Variants in TSPAN18 observed in about 807,000 individuals in gnomAD.
The protein encoded by TSPAN18 is tetraspanin 18.
Under a neutral mutation model 27.3 loss-of-function variants are expected in TSPAN18, and 14 were observed. The ratio of observed to expected loss-of-function variants is 0.51; its 90% CI spans 0.34 to 0.80. The LOEUF (loss-of-function observed/expected upper bound fraction) is 0.80. Among genes scored for constraint, TSPAN18 ranks in the 30% least tolerant of loss-of-function variants. The pLI is 0.01. For synonymous variants in TSPAN18, 143 were observed against 136.5 expected (o/e 1.05, Z -0.33); for missense variants, 268 against 323.9 (o/e 0.83, Z 1.32).
intron 1 of TSPAN18, among the ~76,000 whole-genome samples, chr11:44,728,160 G>T (rs942990483): frequency 1.1e-4 from 17 of 152,212 alleles, no homozygotes; most frequent in African/African-American, 4.1e-4. Flanking sequence ...CTAGCCAGAC[G>T]GGGGAGCGGG....
intron 3 of TSPAN18, chr11:44,903,527 T>C: frequency 2.2e-6 from 1 of 456,374 alleles, no homozygotes; most frequent in South Asian, 1.5e-5. Flanking sequence ...TCTGGAAAGC[T>C]CCTTCTGGCA....
chr11:44,811,356 G>A lies in TSPAN18; in HGVS notation c.-153+46844G>A, dbSNP rs189424029. Reference sequence around the variant, plus strand: ...ATCTGGATGTGATAAGAGAGAGGGAGGGAAAGGCACACTCTACAATTAGCC... The same window carrying A: ...ATCTGGATGTGATAAGAGAGAGGGAAGGAAAGGCACACTCTACAATTAGCC... On this transcript the variant is annotated intron_variant, in intron 2 of 9. Coordinates refer to ENST00000520358, the MANE Select transcript of TSPAN18 (RefSeq NM_130783.5). 4.5e-3 allele frequency among the ~76,000 whole-genome samples: 680 copies of A among 152,264 alleles called. 8 individuals carry two copies. Among genetic ancestry groups the A allele is most frequent in the African/African-American group, 0.015 (623 of 41,548 alleles).
chr11:44,920,320 G>T (rs1227545749), intron 8 of TSPAN18, among the ~76,000 whole-genome samples: 1 of 152,182 alleles, frequency 6.6e-6, no homozygotes, highest in Admixed American at 6.5e-5. Context: ...TCCAAAGGGA[G>T]GGAGGGGGAC....
At chr11:44,733,895 T>C (rs558022192) in intron 1 of TSPAN18, among the ~76,000 whole-genome samples, 206 of 152,068 alleles carry the variant, frequency 1.4e-3, no homozygotes, top group African/African-American at 4.6e-3. Context: ...CCTGCTATAG[T>C]TTGGTTTGTT....
intron 1 of TSPAN18, among the ~76,000 whole-genome samples, chr11:44,738,662 A>G (rs1854857157): frequency 6.6e-6 from 1 of 152,134 alleles, no homozygotes; most frequent in African/African-American, 2.4e-5. Context: ...GGTGTCTCCC[A>G]TGTGTCCAGA....
chr11:44,924,231 AT>A (rs1216037510), intron 8 of TSPAN18, among the ~76,000 whole-genome samples: 3 of 151,914 alleles, frequency 2.0e-5, no homozygotes, highest in Admixed American at 2.0e-4. Context: ...ATCCTTGGTA[AT>A]CCTAACAGGC....
At chr11:44,879,175 C>T (rs766738291) in intron 3 of TSPAN18, among the ~76,000 whole-genome samples, 1 of 152,180 alleles carries the variant, frequency 6.6e-6, no homozygotes, top group Non-Finnish European at 1.5e-5. Context: ...TGGTGCTGCA[C>T]GTTTCAGCAG....
At chr11:44,919,658 C>T (rs1255056504) in intron 7 of TSPAN18, 159 bp from the exon 8 acceptor site, 10 of 735,706 alleles carry the variant, frequency 1.4e-5, no homozygotes, top group Non-Finnish European at 2.1e-5. Context: ...CCCAGAGAAG[C>T]TGAGTGGCTT....
At chr11:44,763,341 G>A (rs1361197891) in intron 1 of TSPAN18, among the ~76,000 whole-genome samples, 1 of 152,064 alleles carries the variant, frequency 6.6e-6, no homozygotes, top group East Asian at 1.9e-4. Flanking sequence ...GCCTGTCTCT[G>A]CTGGCAGGTA....
chr11:44,919,113 C>G (rs1270515892), intron 6 of TSPAN18, 101 bp from the exon 7 acceptor site: 1 of 962,002 alleles, frequency 1.0e-6, no homozygotes, highest in Non-Finnish European at 1.7e-6. Flanking sequence ...GCCCCTAGCT[C>G]TCATTCCCCC....
chr11:44,922,969 C>T (rs559125640), intron 8 of TSPAN18, among the ~76,000 whole-genome samples: 34 of 152,216 alleles, frequency 2.2e-4, no homozygotes, highest in African/African-American at 6.7e-4. Context: ...ATTAGCCTGG[C>T]GTGGTGGCAT....
intron 2 of TSPAN18, among the ~76,000 whole-genome samples, chr11:44,809,882 A>C (rs1207567159): frequency 1.3e-5 from 2 of 152,190 alleles, no homozygotes; most frequent in Non-Finnish European, 2.9e-5. Flanking sequence ...AATGCATCTT[A>C]TATTGTCAAA....
rs1161627741 is a variant in TSPAN18, at chr11:44,829,085, T to C, written c.-152-31243T>C. On this transcript the variant is annotated intron_variant, in intron 2 of 9. Coordinates refer to ENST00000520358, the MANE Select transcript of TSPAN18 (RefSeq NM_130783.5). Reference sequence around the variant, plus strand: ...ACAAACAATTCGAAAAGTACAAAGTTCCCAGAGAGACTCCCCTTACCCAGG... The same window carrying C: ...ACAAACAATTCGAAAAGTACAAAGTCCCCAGAGAGACTCCCCTTACCCAGG... 2.0e-5 allele frequency among the ~76,000 whole-genome samples: 3 copies of C among 152,210 alleles called. No individual in the cohort carries two copies. In the East Asian group the frequency reaches 5.8e-4, roughly 29 times the overall value.
At chr11:44,888,838 A>G (rs1342581451) in intron 3 of TSPAN18, among the ~76,000 whole-genome samples, 1 of 152,190 alleles carries the variant, frequency 6.6e-6, no homozygotes, top group Non-Finnish European at 1.5e-5. Flanking sequence ...CCAGAAAACC[A>G]CGAGGATGGT....
At chr11:44,820,715 G>C (rs532586896) in intron 2 of TSPAN18, among the ~76,000 whole-genome samples, 1 of 152,144 alleles carries the variant, frequency 6.6e-6, no homozygotes, top group South Asian at 2.1e-4. Flanking sequence ...GAGGTGTGGT[G>C]GAGTGGAAGG....
chr11:44,772,131 A>G (rs1565142119), intron 2 of TSPAN18, among the ~76,000 whole-genome samples: 1 of 152,216 alleles, frequency 6.6e-6, no homozygotes, highest in Non-Finnish European at 1.5e-5. Flanking sequence ...AGATCCAGCT[A>G]CATTGGGGAG....
At position 44,868,220 on chromosome 11, in the gene TSPAN18, ACT is replaced by A. The variant is rs34341470; in HGVS notation, c.-11+7756_-11+7757del. Among the ~76,000 whole-genome samples, 577 of 152,068 alleles carry A rather than the reference ACT, an allele frequency of 3.8e-3. 6 individuals are homozygous for A. Among genetic ancestry groups the A allele is most frequent in the African/African-American group, 0.013 (544 of 41,484 alleles). ...GGAACCCAGGTGGCCATCTGCCGTC[ACT>A]CTCTGTCTGAGTGCCTTGGAAGCCT... On this transcript the variant is annotated intron_variant, in intron 3 of 9. Coordinates refer to ENST00000520358, the MANE Select transcript of TSPAN18 (RefSeq NM_130783.5).
intron 3 of TSPAN18, among the ~76,000 whole-genome samples, chr11:44,901,538 C>G (rs925043721): frequency 1.3e-5 from 2 of 152,238 alleles, no homozygotes; most frequent in Admixed American, 1.3e-4. Context: ...CTCCAAAGGC[C>G]CATTCATCCA....
intron 2 of TSPAN18, among the ~76,000 whole-genome samples, chr11:44,765,518 G>A (rs1036589228): frequency 1.3e-5 from 2 of 152,126 alleles, no homozygotes; most frequent in Admixed American, 6.5e-5. Flanking sequence ...ACAGTGTGAC[G>A]CTCACTCACT....
Sources: allele counts gnomAD v4.1 joint callset (sites outside exome capture counted in the v4.1 genomes callset), GRCh38; gene constraint gnomAD v4.1.1; transcripts MANE v1.5; gene names NCBI Gene and HGNC (gene_info 2026-07-23, HGNC 2026-07-21).